The following FBXL13 variants were observed in gnomAD, a reference collection of about 807,000 sequenced individuals.
FBXL13 encodes F-box and leucine-rich repeat protein 13.
A neutral mutation model predicts 83.6 loss-of-function variants in FBXL13; 67 were observed. The ratio of observed to expected loss-of-function variants is 0.80; its 90% confidence interval spans 0.66 to 0.98. The LOEUF (loss-of-function observed/expected upper bound fraction) is 0.98, where lower values mean the gene tolerates loss of function less well. Ranked by LOEUF, FBXL13 falls within the 50% of genes least tolerant of loss-of-function variation. The probability of loss-of-function intolerance (pLI) is 0.00; values close to 1 mark genes in which losing one functional copy is unlikely to be tolerated. For missense variants in FBXL13, 822 were observed against 866.5 expected, an observed-to-expected ratio of 0.95 and a Z score of 0.64; for synonymous variants, 272 against 299.5, an observed-to-expected ratio of 0.91 and a Z score of 0.95.
chr7:102,911,503 T>G (rs1032342450), intron 11 of FBXL13, among the ~76,000 whole-genome samples: 1 of 152,110 alleles, frequency 6.6e-6, no homozygotes, highest in Non-Finnish European at 1.5e-5. Context: ...CATTGGCATT[T>G]GCTAATTGGT....
intron 1 of FBXL13, among the ~76,000 whole-genome samples, chr7:103,070,996 G>C (rs1343643242): frequency 6.6e-6 from 1 of 152,144 alleles, no homozygotes; most frequent in East Asian, 1.9e-4. Context: ...CTAATAATCA[G>C]AATTTATTTA....
At chr7:102,865,877 G>A (rs987696044) in intron 16 of FBXL13, among the ~76,000 whole-genome samples, 4 of 152,010 alleles carry the variant, frequency 2.6e-5, no homozygotes, top group Non-Finnish European at 5.9e-5. Context: ...ACAGTGTCTC[G>A]CTGTATCACC....
At chr7:102,993,302 G>A (rs1829771902) in intron 6 of FBXL13, among the ~76,000 whole-genome samples, 1 of 152,146 alleles carries the variant, frequency 6.6e-6, no homozygotes, top group Non-Finnish European at 1.5e-5. Flanking sequence ...TTTACAACAT[G>A]GTACTAGTTT....
intron 17 of FBXL13, among the ~76,000 whole-genome samples, chr7:102,844,548 AAC>A (rs1803591940): frequency 1.3e-5 from 2 of 152,168 alleles, no homozygotes; most frequent in African/African-American, 2.4e-5. Context: ...GCTTAGAGGA[AAC>A]ACAGACAAAA....
chr7:102,962,056 A>C (rs1325242175), intron 8 of FBXL13, among the ~76,000 whole-genome samples: 99 of 151,040 alleles, frequency 6.6e-4, no homozygotes, highest in Non-Finnish European at 1.2e-3. Context: ...GGCAACCTAC[A>C]AAATGGGAGA....
chr7:102,966,228 T>G (rs1163958054), intron 7 of FBXL13, among the ~76,000 whole-genome samples: 1 of 152,212 alleles, frequency 6.6e-6, no homozygotes, highest in African/African-American at 2.4e-5. Flanking sequence ...AACTTTAGCC[T>G]GCATCAGAAT....
At chr7:102,828,015 G>A (rs539002569) in intron 18 of FBXL13, among the ~76,000 whole-genome samples, 94 of 152,140 alleles carry the variant, frequency 6.2e-4, no homozygotes, top group Non-Finnish European at 9.1e-4. Context: ...GTCAGGTAGC[G>A]TGATGCCTCC....
intron 6 of FBXL13, chr7:102,975,832 G>T: frequency 1.5e-6 from 1 of 650,320 alleles, no homozygotes. Flanking sequence ...TAACAATCGT[G>T]ATGAGGAAAG....
chr7:102,917,637 C>T (rs974198170), intron 10 of FBXL13, among the ~76,000 whole-genome samples: 3 of 152,104 alleles, frequency 2.0e-5, no homozygotes, highest in Non-Finnish European at 2.9e-5. Context: ...CTTGGGAAAC[C>T]TAGGCAGAGA....
chr7:103,043,089 T>G (rs995317387), intron 2 of FBXL13, among the ~76,000 whole-genome samples: 1 of 151,938 alleles, frequency 6.6e-6, no homozygotes, highest in Non-Finnish European at 1.5e-5. Flanking sequence ...AGGGCTAATA[T>G]CCAGAATCTA....
intron 10 of FBXL13, among the ~76,000 whole-genome samples, chr7:102,914,101 GC>G (rs1304932036): frequency 1.3e-5 from 2 of 152,052 alleles, no homozygotes; most frequent in Admixed American, 6.5e-5. Flanking sequence ...CGCTCTTGTT[GC>G]CCAGCTGGAG....
chr7:102,957,936 T>C (rs1441732728), intron 8 of FBXL13, among the ~76,000 whole-genome samples: 1 of 152,182 alleles, frequency 6.6e-6, no homozygotes, highest in Non-Finnish European at 1.5e-5. Flanking sequence ...ACATCGTTGG[T>C]TGGAGTGTAA....
chr7:102,949,477 A>C (rs138937190), intron 8 of FBXL13, among the ~76,000 whole-genome samples: 1 of 152,240 alleles, frequency 6.6e-6, no homozygotes, highest in Non-Finnish European at 1.5e-5. Flanking sequence ...CTATGTGTCC[A>C]TGTGTTAAGA....
At chr7:102,960,031 G>A (rs1348698338) in intron 8 of FBXL13, among the ~76,000 whole-genome samples, 1 of 152,022 alleles carries the variant, frequency 6.6e-6, no homozygotes, top group Non-Finnish European at 1.5e-5. Context: ...AATAACATTG[G>A]ATGCCTTTGA....
chr7:102,819,034 T>C (rs995448512), intron 19 of FBXL13, among the ~76,000 whole-genome samples: 1 of 152,174 alleles, frequency 6.6e-6, no homozygotes, highest in African/African-American at 2.4e-5. Context: ...CTCCCACTTA[T>C]AAGTGAGAAC....
intron 10 of FBXL13, among the ~76,000 whole-genome samples, chr7:102,921,710 C>T (rs1422306416): frequency 3.3e-5 from 5 of 151,786 alleles, no homozygotes; most frequent in Non-Finnish European, 5.9e-5. Context: ...ATAAAAGAAG[C>T]TCTGTTTTAA....
intron 1 of FBXL13, among the ~76,000 whole-genome samples, chr7:103,072,483 C>G (rs1799062845): frequency 6.6e-6 from 1 of 152,104 alleles, no homozygotes; most frequent in Non-Finnish European, 1.5e-5. Context: ...AATGCTTTCA[C>G]CCAGAGGGGG....
chr7:103,030,073 T>C (rs1023320907), intron 2 of FBXL13: 2 of 152,198 alleles, frequency 1.3e-5, no homozygotes, highest in African/African-American at 4.8e-5. Flanking sequence ...TGTTTTCCTC[T>C]TATTTTGTTG....
In FBXL13 at chr7:102,851,497, T is replaced by G. The variant is rs1415264444; in HGVS notation, c.1719+3280A>C. On this transcript the variant is annotated intron_variant, in intron 17 of 19. Transcript: ENST00000313221. ...CCTTTCTTCCCTTTCCTTCTTCTCC[T>G]TCTCCTTCTTCTTTTCTTCTTCCTC... Among the ~76,000 whole-genome samples, 4 of 132,172 alleles carry G rather than the reference T, an allele frequency of 3.0e-5. No homozygotes were observed. In the East Asian group the frequency reaches 1.0e-3, roughly 34 times the overall value. The allele number at this position is 132,172 out of a possible 152,430, so 86.7% of individuals were successfully genotyped here.
Sources: allele counts gnomAD v4.1 joint callset (sites outside exome capture counted in the v4.1 genomes callset), GRCh38; gene constraint gnomAD v4.1.1; transcripts MANE v1.5; gene names NCBI Gene and HGNC (gene_info 2026-07-23, HGNC 2026-07-21).